Variants in KCTD5 observed in about 807,000 individuals in gnomAD.
KCTD5 encodes the protein potassium channel tetramerization domain containing 5, also known as BTB/POZ domain-containing protein KCTD5.
KCTD5 carries 12 observed loss-of-function variants against 27.9 expected under a neutral mutation model. The observed-to-expected ratio is 0.43, with a 90% CI of 0.28 to 0.70. The LOEUF (loss-of-function observed/expected upper bound fraction) is 0.70. Among genes scored for constraint, KCTD5 ranks in the 30% least tolerant of loss-of-function variants. KCTD5 has a pLI of 0.19. For missense variants in KCTD5, 226 were observed against 274.8 expected, an observed-to-expected ratio of 0.82 and a Z score of 1.26; for synonymous variants, 147 against 121.4, an observed-to-expected ratio of 1.21 and a Z score of -1.39.
In KCTD5 at chr16:2,707,739, C is replaced by T. The variant is rs1385272056; in HGVS notation, c.*412C>T. 1 of 436,962 alleles carries T rather than the reference C, an allele frequency of 2.3e-6. No individual in the cohort carries two copies. Among genetic ancestry groups the T allele is most frequent in the East Asian group, 3.7e-5 (1 of 27,004 alleles). The allele number at this position is 436,962 out of a possible 1,614,324, so 27.1% of individuals were successfully genotyped here. ...GCCGCAGCCGCGTCAGTGTCCAGCA[C>T]GTCGTGGCCTCTGGTCCGACCACCA... On this transcript the variant is annotated 3_prime_UTR_variant, in exon 6 of 6. Transcript: ENST00000301738.
Position 2,687,132 on chromosome 16 carries a change from G to A in KCTD5, c.252+4332G>A, listed in dbSNP as rs61411456. Reference sequence around the variant, plus strand: ...GCAGGTGCTGGTCCTCAGCAAACCTGTGCTCACCTCTTTATCAGGTGCCTC... The same window carrying A: ...GCAGGTGCTGGTCCTCAGCAAACCTATGCTCACCTCTTTATCAGGTGCCTC... On this transcript the variant is annotated intron_variant, in intron 1 of 5. Coordinates refer to ENST00000301738, the MANE Select transcript of KCTD5 (RefSeq NM_018992.4). Among the ~76,000 whole-genome samples the A allele has an allele frequency of 4.5e-3, 685 of 152,310 alleles. 7 individuals are homozygous for A. The highest frequency in any genetic ancestry group is 0.015 in the African/African-American group (616 of 41,568).
intron 1 of KCTD5, chr16:2,683,339 C>G (rs2142050009): frequency 6.5e-6 from 1 of 152,814 alleles, no homozygotes; most frequent in South Asian, 2.0e-4. Flanking sequence ...CCACAGCACG[C>G]AGCACCCACT....
chr16:2,686,963 C>T (rs575164359), intron 1 of KCTD5, among the ~76,000 whole-genome samples: 120 of 152,260 alleles, frequency 7.9e-4, no homozygotes, highest in Non-Finnish European at 1.3e-3. Context: ...TGGGTGTCTG[C>T]GACGCTGATG....
Position 2,708,832 on chromosome 16 carries a change from G to A in KCTD5, c.*1505G>A, listed in dbSNP as rs373142824. 1.3e-5 allele frequency: 2 copies of A among 152,198 alleles called. No individual in the cohort carries two copies. Among genetic ancestry groups the A allele is most frequent in the East Asian group, 1.9e-4 (1 of 5,198 alleles). 9.4% of individuals were successfully genotyped at this position (152,198 alleles called of 1,614,324 possible). Reference sequence around the variant, plus strand: ...TCTGGGGAGCTGCTGGCCGCTTAGCGTTGTTTGATTTTTGACCTTGACATA... The same window carrying A: ...TCTGGGGAGCTGCTGGCCGCTTAGCATTGTTTGATTTTTGACCTTGACATA... On this transcript the variant is annotated 3_prime_UTR_variant, in exon 6 of 6. Coordinates refer to ENST00000301738, the MANE Select transcript of KCTD5 (RefSeq NM_018992.4).
Position 2,699,899 on chromosome 16 carries a change from G to A in KCTD5, c.532G>A (p.Gly178Ser), listed in dbSNP as rs2067603613. ...GCAGATGGTGTCCACCATGTCCGAC[G>A]GCTGGAAGTTCGAGCAGGTGAGGGG... ...LTQMVSTMSD[G>S]WKFEQLVSIG... The change falls in exon 4 of 6, where the codon GGC becomes AGC. Residue 178 changes from glycine to serine, a missense_variant. Coordinates refer to ENST00000301738, the MANE Select transcript of KCTD5 (RefSeq NM_018992.4). The A allele has an allele frequency of 2.5e-6, 4 of 1,613,742 alleles. No homozygotes were observed. The highest frequency in any genetic ancestry group is 3.4e-6 in the Non-Finnish European group (4 of 1,179,946).
rs535541380 is a variant in KCTD5 at position 2,699,808 on chromosome 16, A to C, written c.454-13A>C. 4.1e-5 allele frequency: 66 copies of C among 1,612,338 alleles called. 2 individuals carry two copies. The South Asian group carries it at 6.7e-4, about 16-fold the overall frequency. On this transcript the variant is annotated splice_polypyrimidine_tract_variant and intron_variant, in intron 3 of 5. Coordinates refer to ENST00000301738, the MANE Select transcript of KCTD5 (RefSeq NM_018992.4). ...GGGTGGCCCGCCCTTACCTGTGCCC[A>C]TTGTCCTTGCAGGTGCCTGTGAAGC...
At chr16:2,693,457 G>T (rs1288360711) in intron 1 of KCTD5, among the ~76,000 whole-genome samples, 2 of 152,218 alleles carry the variant, frequency 1.3e-5, no homozygotes, top group African/African-American at 4.8e-5. Flanking sequence ...CCAGTGGTAG[G>T]AGTGGCCAAG....
chr16:2,685,063 CA>C (rs2067534914), intron 1 of KCTD5, among the ~76,000 whole-genome samples: 2 of 152,194 alleles, frequency 1.3e-5, no homozygotes, highest in Admixed American at 1.3e-4. Context: ...GTTTGATTTC[CA>C]AATGGTAAAC....
Position 2,707,257 on chromosome 16 carries a change from C to T in KCTD5, c.676-41C>T, listed in dbSNP as rs1310960863. On this transcript the variant is annotated intron_variant, in intron 5 of 5. Transcript: ENST00000301738. ...GCAGGCGCCTGGTCAGGGACACCTC[C>T]TCAGCCCAAGTCCTCATTTTATGCA... is the stretch of plus-strand genomic sequence containing the variant. The T allele has an allele frequency of 1.9e-6, 3 of 1,606,856 alleles. No individual in the cohort carries two copies. In the Admixed American group the frequency reaches 5.0e-5, roughly 27 times the overall value.
At position 2,693,727 on chromosome 16, in the gene KCTD5, T is replaced by C. The variant is rs150417412; in HGVS notation, c.253-2208T>C. 2.2e-3 allele frequency among the ~76,000 whole-genome samples: 342 copies of C among 152,300 alleles called. 2 individuals carry two copies. Among genetic ancestry groups the C allele is most frequent in the Non-Finnish European group, 3.7e-3 (252 of 68,018 alleles). On this transcript the variant is annotated intron_variant, in intron 1 of 5. Transcript: ENST00000301738. ...ACCGGCCCAGGGCCTGAGAAGCACA[T>C]GGTGGGTTGTCTTGGCCTAGAGGTC...
chr16:2,706,984 C>G (rs879785829), intron 5 of KCTD5, among the ~76,000 whole-genome samples: 140 of 151,942 alleles, frequency 9.2e-4, no homozygotes, highest in African/African-American at 3.3e-3. Context: ...ACCCGCGGGC[C>G]GAGTTGCGCT....
At chr16:2,691,082 C>T (rs2067564555) in intron 1 of KCTD5, among the ~76,000 whole-genome samples, 1 of 152,182 alleles carries the variant, frequency 6.6e-6, no homozygotes, top group African/African-American at 2.4e-5. Context: ...GCTGGGAGCA[C>T]CAAGACCCTG....
At position 2,699,048 on chromosome 16, in the gene KCTD5, G is replaced by A. The variant is rs140889784; in HGVS notation, c.454-773G>A. 417 of 440,570 alleles carry A rather than the reference G, an allele frequency of 9.5e-4. 1 individual carries two copies. Among genetic ancestry groups the A allele is most frequent in the African/African-American group, 7.8e-3 (387 of 49,814 alleles). The allele number at this position is 440,570 out of a possible 1,614,324, so 27.3% of individuals were successfully genotyped here. A position where few individuals can be genotyped will look rare whatever the true frequency, so the allele number is the denominator to read the frequency against. On this transcript the variant is annotated intron_variant, in intron 3 of 5. Coordinates refer to ENST00000301738, the MANE Select transcript of KCTD5 (RefSeq NM_018992.4). Reference sequence around the variant, plus strand: ...TAAAGCAACTCGGGCATGTGACCTCGAGGCCACTGTGTGCCTTTGTCACTC... The same window carrying A: ...TAAAGCAACTCGGGCATGTGACCTCAAGGCCACTGTGTGCCTTTGTCACTC...
chr16:2,702,182 C>T (rs193219700), intron 4 of KCTD5, among the ~76,000 whole-genome samples, 171 bp from the exon 5 acceptor site: 21 of 152,226 alleles, frequency 1.4e-4, no homozygotes, highest in African/African-American at 5.1e-4. Flanking sequence ...GGTGCCGCCC[C>T]GTGTGCTCGT....
chr16:2,687,006 C>T (rs993710948), intron 1 of KCTD5, among the ~76,000 whole-genome samples: 1 of 152,196 alleles, frequency 6.6e-6, no homozygotes, highest in Non-Finnish European at 1.5e-5. Flanking sequence ...GAGGATGTGG[C>T]TCTGAGCACG....
Position 2,682,762 on chromosome 16 carries a change from C to T in KCTD5, c.214C>T (p.Arg72Cys), listed in dbSNP as rs2067523962. The change falls in exon 1 of 6, where the codon CGC becomes TGC. Residue 72 changes from arginine to cysteine, a missense_variant. By Grantham distance (180) the Arg-to-Cys change is radical (BLOSUM62 -3). This residue lies in a region of KCTD5 where 135 missense variants were observed against 207.0 expected (regional missense o/e 0.65). Coordinates refer to ENST00000301738, the MANE Select transcript of KCTD5 (RefSeq NM_018992.4). ...CCGGGACCCGAAATCCTTCCTGTACCGCTTATGCCAGGCCGATCCCGACCT... is the reference window on the plus strand; with the variant it reads ...CCGGGACCCGAAATCCTTCCTGTACTGCTTATGCCAGGCCGATCCCGACCT... ...LCRDPKSFLYRLCQADPDLDS... is the reference protein window; with the variant it reads ...LCRDPKSFLYCLCQADPDLDS... The T allele has an allele frequency of 6.2e-7, 1 of 1,606,074 alleles. No homozygotes were observed. The highest frequency in any genetic ancestry group is 8.5e-7 in the Non-Finnish European group (1 of 1,177,002).
rs2067545011 is a variant in KCTD5 at position 2,687,504 on chromosome 16, C to T, written c.252+4704C>T. Among the ~76,000 whole-genome samples, 5 of 152,224 alleles carry T rather than the reference C, an allele frequency of 3.3e-5. No homozygotes were observed. In the South Asian group the frequency reaches 1.0e-3, roughly 31 times the overall value. ...TAGAGCAGGAGTCAGAAAGCTGGTC[C>T]ACCTGCCTGTTTTTGCAAGTAAAGT... On this transcript the variant is annotated intron_variant, in intron 1 of 5. Transcript: ENST00000301738.
chr16:2,686,854 G>T (rs1249545657), intron 1 of KCTD5, among the ~76,000 whole-genome samples: 1 of 151,838 alleles, frequency 6.6e-6, no homozygotes, highest in Non-Finnish European at 1.5e-5. Flanking sequence ...AAGCCGCTTG[G>T]CAAGAGAAGT....
intron 4 of KCTD5, 36 bp downstream of exon 4, chr16:2,699,952 T>G: frequency 6.3e-7 from 1 of 1,584,004 alleles, no homozygotes. Flanking sequence ...GCAGCCATGC[T>G]GCAGCTGAAC....
Sources: gnomAD v4.1 joint callset for allele counts (sites outside exome capture counted in the v4.1 genomes callset) on GRCh38, gnomAD v4.1.1 for gene constraint, gnomAD v4.1.1 regional missense constraint, MANE v1.5 for transcripts, NCBI Gene and HGNC (gene_info 2026-07-23, HGNC 2026-07-21) for gene names.